KAZN: variants seen among roughly 807,000 people sequenced by gnomAD.
KAZN encodes kazrin.
Under a neutral mutation model 87.4 loss-of-function variants are expected in KAZN, and 40 were observed. The ratio of observed to expected loss-of-function variants is 0.46; its 90% CI spans 0.36 to 0.60. KAZN has a LOEUF of 0.60. Among genes scored for constraint, KAZN ranks in the 20% least tolerant of loss-of-function variants. The pLI, the probability that KAZN is intolerant of heterozygous loss-of-function variation, is 0.00. For synonymous variants in KAZN, 466 were observed against 458.3 expected (o/e 1.02, Z -0.22); for missense variants, 898 against 1,073.9 (o/e 0.84, Z 2.29).
Position 14,070,167 on chromosome 1 carries a change from C to CAAAAAAAAAAAAAAAAAAAAAA in KAZN, c.92-110255_92-110254insAAAAAAAAAAAAAAAAAAAAAA, listed in dbSNP as rs61327562. Among the ~76,000 whole-genome samples the CAAAAAAAAAAAAAAAAAAAAAA allele has an allele frequency of 2.1e-4, 15 of 72,828 alleles. 1 individual carries two copies. Among genetic ancestry groups the CAAAAAAAAAAAAAAAAAAAAAA allele is most frequent in the East Asian group, 5.0e-4 (1 of 2,014 alleles). The allele number at this position is 72,828 out of a possible 152,430, so 47.8% of individuals were successfully genotyped here. Reference sequence around the variant, plus strand: ...TTGGCGACAGTGCGAGACTCCATCTCAAAAAAAAAAAAAGTAAATAAATAA... The same window carrying CAAAAAAAAAAAAAAAAAAAAAA: ...TTGGCGACAGTGCGAGACTCCATCTCAAAAAAAAAAAAAAAAAAAAAAAAAAAAAAAAAAAGTAAATAAATAA... On this transcript the variant is annotated intron_variant, in intron 1 of 16. Transcript: ENST00000636203.
intron 2 of KAZN, among the ~76,000 whole-genome samples, chr1:14,333,350 T>C (rs569841233): frequency 2.0e-5 from 3 of 152,352 alleles, no homozygotes; most frequent in East Asian, 1.9e-4. Context: ...TGAACATGCA[T>C]ATACATGTAT....
At chr1:14,245,590 A>C (rs933163430) in intron 2 of KAZN, among the ~76,000 whole-genome samples, 1 of 152,074 alleles carries the variant, frequency 6.6e-6, no homozygotes, top group Non-Finnish European at 1.5e-5. Context: ...GTCCAAGTAC[A>C]TCTTTGAGAT....
At chr1:14,726,871 A>G (rs937696314) in intron 1 of KAZN, among the ~76,000 whole-genome samples, 1 of 152,160 alleles carries the variant, frequency 6.6e-6, no homozygotes, top group Non-Finnish European at 1.5e-5. Context: ...CTCAGCTTTG[A>G]GAACCTGTAT....
intron 1 of KAZN, among the ~76,000 whole-genome samples, chr1:14,066,753 C>T (rs997778192): frequency 6.6e-6 from 1 of 152,188 alleles, no homozygotes; most frequent in African/African-American, 2.4e-5. Flanking sequence ...AACCTCCTTT[C>T]TGGTTGATAA....
chr1:14,337,752 G>GTGGCGCGCATCTGTAAT (rs1177708371), intron 2 of KAZN, among the ~76,000 whole-genome samples: 1 of 152,054 alleles, frequency 6.6e-6, no homozygotes, highest in Non-Finnish European at 1.5e-5. Flanking sequence ...AAATTAACTG[G>GTGGCGCGCATCTGTAAT]GCGTGGTGGC....
chr1:14,890,216 T>C (rs989084295), intron 1 of KAZN, among the ~76,000 whole-genome samples: 5 of 152,234 alleles, frequency 3.3e-5, no homozygotes, highest in Admixed American at 1.3e-4. Flanking sequence ...TGGAATGCTC[T>C]GGCTGGTCAA....
chr1:14,143,452 G>C (rs920716262), intron 1 of KAZN, among the ~76,000 whole-genome samples: 5 of 152,068 alleles, frequency 3.3e-5, no homozygotes, highest in African/African-American at 1.2e-4. Flanking sequence ...GTCAACTTTA[G>C]ATTTCCTACT....
At chr1:14,718,789 C>T (rs759476283) in intron 1 of KAZN, among the ~76,000 whole-genome samples, 48 of 152,174 alleles carry the variant, frequency 3.2e-4, no homozygotes, top group Middle Eastern at 3.2e-3. Flanking sequence ...CTACTGAATC[C>T]GCACCCTTTC....
intron 1 of KAZN, among the ~76,000 whole-genome samples, chr1:14,864,209 G>A (rs1651187463): frequency 6.6e-6 from 1 of 152,204 alleles, no homozygotes; most frequent in African/African-American, 2.4e-5. Flanking sequence ...AACTTCAAGT[G>A]TGGTTACTAC....
intron 1 of KAZN, among the ~76,000 whole-genome samples, chr1:13,996,957 C>T (rs780171256): frequency 5.3e-5 from 8 of 152,312 alleles, no homozygotes; most frequent in Non-Finnish European, 1.0e-4. Context: ...ATCCTGCTGG[C>T]ATCAGGTTGG....
At chr1:14,453,526 T>C (rs1251084116) in intron 2 of KAZN, among the ~76,000 whole-genome samples, 1 of 152,138 alleles carries the variant, frequency 6.6e-6, no homozygotes, top group Non-Finnish European at 1.5e-5. Flanking sequence ...TGCTCCACCA[T>C]GTGCACGCCA....
At chr1:14,886,463 CAGAG>C (rs1553151165) in intron 1 of KAZN, among the ~76,000 whole-genome samples, 1 of 135,872 alleles carries the variant, frequency 7.4e-6, no homozygotes, top group Non-Finnish European at 1.7e-5. Context: ...CACACACACA[CAGAG>C]AGAGACAGAG....
In KAZN at chr1:14,649,282, A is replaced by G. The variant is rs1681045701; in HGVS notation, c.226+50059A>G. Among the ~76,000 whole-genome samples, 3 of 152,214 alleles carry G rather than the reference A, an allele frequency of 2.0e-5. 1 individual carries two copies. Among genetic ancestry groups the G allele is most frequent in the Non-Finnish European group, 4.4e-5 (3 of 68,040 alleles). On this transcript the variant is annotated intron_variant, in intron 1 of 14. Coordinates refer to ENST00000376030, the MANE Select transcript of KAZN (RefSeq NM_201628.3). ...AGAGAACTTGCTTTATGCCAGGACT[A>G]TTTGTTGACTTATATTTTAGGGTTG...
At chr1:15,109,924 G>GGT (rs202121050) in intron 13 of KAZN, among the ~76,000 whole-genome samples, 28 of 18,218 alleles carry the variant, frequency 1.5e-3, no homozygotes, top group Admixed American at 0.013. Flanking sequence ...TTTGTGTATG[G>GGT]GTGTGTGTGT....
chr1:14,382,333 ATACTTT>A (rs1400586136), intron 2 of KAZN, among the ~76,000 whole-genome samples: 1 of 152,074 alleles, frequency 6.6e-6, no homozygotes. Context: ...TTTTTTTATT[ATACTTT>A]TAAGTTTTAG....
At chr1:14,556,663 A>T (rs909671712) in intron 2 of KAZN, among the ~76,000 whole-genome samples, 1 of 152,148 alleles carries the variant, frequency 6.6e-6, no homozygotes, top group Non-Finnish European at 1.5e-5. Context: ...TCAAACAAGT[A>T]ACCATTCATG....
chr1:14,544,731 C>T (rs911363881), intron 2 of KAZN, among the ~76,000 whole-genome samples: 5 of 141,472 alleles, frequency 3.5e-5, no homozygotes, highest in Admixed American at 7.0e-5. Context: ...CCCTTGGCTT[C>T]TTTATTTAAA....
chr1:14,823,268 G>A (rs1010154767), intron 1 of KAZN, among the ~76,000 whole-genome samples: 1 of 152,096 alleles, frequency 6.6e-6, no homozygotes, highest in Non-Finnish European at 1.5e-5. Flanking sequence ...GAACCGAGAC[G>A]TCCCCGTGAA....
intron 10 of KAZN, among the ~76,000 whole-genome samples, chr1:15,098,776 C>T (rs1441333482): frequency 1.3e-5 from 2 of 152,242 alleles, no homozygotes; most frequent in Non-Finnish European, 1.5e-5. Context: ...GCTGGGCAGC[C>T]TCCAGGTGGA....
Sources: gnomAD v4.1 joint callset for allele counts (sites outside exome capture counted in the v4.1 genomes callset) on GRCh38, gnomAD v4.1.1 for gene constraint, MANE v1.5 for transcripts, NCBI Gene and HGNC (gene_info 2026-07-23, HGNC 2026-07-21) for gene names.